The following GPBP1L1 variants were observed in gnomAD, a reference collection of about 807,000 sequenced individuals.
The protein encoded by GPBP1L1 is GC-rich promoter binding protein 1 like 1.
GPBP1L1 carries 23 observed loss-of-function variants against 52.5 expected under a neutral mutation model. The ratio of observed to expected loss-of-function variants is 0.44; its 90% CI spans 0.32 to 0.62. The LOEUF is 0.62. Among genes scored for constraint, GPBP1L1 ranks in the 20% least tolerant of loss-of-function variants. The pLI, the probability that GPBP1L1 is intolerant of heterozygous loss-of-function variation, is 0.06. For missense variants in GPBP1L1, 596 were observed against 579.3 expected (o/e 1.03, Z -0.30); for synonymous variants, 243 against 203.1 (o/e 1.20, Z -1.67).
intron 4 of GPBP1L1, among the ~76,000 whole-genome samples, chr1:45,657,452 C>T (rs758453900): frequency 3.3e-5 from 5 of 152,112 alleles, no homozygotes; most frequent in Non-Finnish European, 5.9e-5. Flanking sequence ...AGGAGGATCG[C>T]CTGAGCCAGG....
At chr1:45,639,030 T>G (rs541165988) in intron 8 of GPBP1L1, among the ~76,000 whole-genome samples, 2 of 152,254 alleles carry the variant, frequency 1.3e-5, no homozygotes, top group Admixed American at 1.3e-4. Context: ...CATACTTATT[T>G]TTACATTTTT....
intron 2 of GPBP1L1, among the ~76,000 whole-genome samples, chr1:45,679,956 G>C (rs1645192828): frequency 7.5e-6 from 1 of 133,712 alleles, no homozygotes; most frequent in Admixed American, 7.6e-5. Context: ...CAGCAGGGCG[G>C]GGGGTGGGGG....
intron 2 of GPBP1L1, among the ~76,000 whole-genome samples, chr1:45,676,896 A>T (rs1645152247): frequency 6.6e-6 from 1 of 150,830 alleles, no homozygotes; most frequent in Non-Finnish European, 1.5e-5. Context: ...CAACAACAAC[A>T]ACAAAGTACT....
At chr1:45,650,742 C>T in intron 6 of GPBP1L1, among the ~76,000 whole-genome samples, 1 of 152,092 alleles carries the variant, frequency 6.6e-6, no homozygotes, top group East Asian at 1.9e-4. Context: ...TCCCTTACTG[C>T]TAATCCACAG....
intron 2 of GPBP1L1, among the ~76,000 whole-genome samples, chr1:45,680,929 A>G (rs753770825): frequency 5.3e-5 from 8 of 152,198 alleles, no homozygotes; most frequent in Admixed American, 1.3e-4. Flanking sequence ...AGTTTTGAGA[A>G]ATTTTCAGAT....
chr1:45,628,877 T>C (rs894961502), intron 12 of GPBP1L1, among the ~76,000 whole-genome samples: 1 of 152,218 alleles, frequency 6.6e-6, no homozygotes, highest in Admixed American at 6.5e-5. Flanking sequence ...TTGGCCAGTA[T>C]GCTCTTGAGC....
intron 2 of GPBP1L1, among the ~76,000 whole-genome samples, chr1:45,673,810 G>A (rs1285879670): frequency 1.3e-5 from 2 of 152,194 alleles, no homozygotes; most frequent in African/African-American, 2.4e-5. Context: ...ACTGAGCCAA[G>A]ATCACGCCAC....
chr1:45,661,733 G>A (rs1374842843), intron 2 of GPBP1L1, among the ~76,000 whole-genome samples: 1 of 152,156 alleles, frequency 6.6e-6, no homozygotes, highest in Non-Finnish European at 1.5e-5. Flanking sequence ...GATTACGTGA[G>A]TGACCCACCA....
At position 45,628,047 on chromosome 1, in the gene GPBP1L1, CCA is replaced by C. The variant is rs760625835; in HGVS notation, c.*207_*208del. On this transcript the variant is annotated 3_prime_UTR_variant, in exon 13 of 13. Transcript: ENST00000355105. ...GAGTGTGTTTAAAAAATCTGTCCCA[CCA>C]CACAAACTTCTCTCTATAAAGCAGA... The C allele has an allele frequency of 1.7e-5, 9 of 535,756 alleles. No individual in the cohort carries two copies. The highest frequency in any genetic ancestry group is 2.7e-5 in the Non-Finnish European group (8 of 299,992). 33.2% of individuals were successfully genotyped at this position (535,756 alleles called of 1,614,324 possible).
In GPBP1L1 at chr1:45,664,059, G is replaced by A. The variant is rs184178691; in HGVS notation, c.-1097-2834C>T. ...TAAAAAAAAATTTCTTGGGCCAGGC[G>A]CGGTGGCTCACGCCTGTAATCCCAG... On this transcript the variant is annotated intron_variant, in intron 2 of 12. Coordinates refer to ENST00000355105, the MANE Select transcript of GPBP1L1 (RefSeq NM_021639.5). Among the ~76,000 whole-genome samples, 291 of 152,182 alleles carry A rather than the reference G, an allele frequency of 1.9e-3. 1 individual carries two copies. The highest frequency in any genetic ancestry group is 3.1e-3 in the Admixed American group (47 of 15,286).
chr1:45,686,278 A>G (rs1214445429), intron 1 of GPBP1L1, 134 bp downstream of exon 1: 1 of 152,300 alleles, frequency 6.6e-6, no homozygotes, highest in Non-Finnish European at 1.5e-5. Context: ...CTCGGGTCGG[A>G]CCTATACCCA....
chr1:45,679,847 A>C (rs1645190876), intron 2 of GPBP1L1, among the ~76,000 whole-genome samples: 1 of 149,900 alleles, frequency 6.7e-6, no homozygotes, highest in African/African-American at 2.5e-5. Flanking sequence ...TGAGTCCAGA[A>C]GTTCAAGAGC....
intron 6 of GPBP1L1, among the ~76,000 whole-genome samples, chr1:45,653,862 C>T (rs1017516769): frequency 2.0e-5 from 3 of 151,948 alleles, no homozygotes; most frequent in African/African-American, 7.2e-5. Flanking sequence ...CCAAGCCCAG[C>T]TAATTTTTGT....
At chr1:45,667,940 T>C (rs1212608307) in intron 2 of GPBP1L1, among the ~76,000 whole-genome samples, 1 of 152,200 alleles carries the variant, frequency 6.6e-6, no homozygotes, top group Non-Finnish European at 1.5e-5. Flanking sequence ...AGTTTCACCA[T>C]GTTGGCCAGG....
intron 6 of GPBP1L1, chr1:45,651,138 G>T (rs981699297): frequency 2.0e-6 from 1 of 500,116 alleles, no homozygotes; most frequent in East Asian, 5.4e-5. Flanking sequence ...AGATCTCATC[G>T]TATCTGTCAT....
At chr1:45,672,085 G>A (rs1645080315) in intron 2 of GPBP1L1, among the ~76,000 whole-genome samples, 1 of 152,010 alleles carries the variant, frequency 6.6e-6, no homozygotes, top group South Asian at 2.1e-4. Context: ...TATTCAGGCT[G>A]GGTGCGGTGG....
At chr1:45,654,428 C>A in intron 6 of GPBP1L1, 115 bp downstream of exon 6, 1 of 1,073,026 alleles carries the variant, frequency 9.3e-7, no homozygotes, top group South Asian at 1.8e-5. Flanking sequence ...ATAAAAACCT[C>A]AACTTACAAA....
In GPBP1L1 at chr1:45,664,315, C is replaced by T. The variant is rs144585097; in HGVS notation, c.-1097-3090G>A. Among the ~76,000 whole-genome samples the T allele has an allele frequency of 5.8e-4, 87 of 149,140 alleles. No individual in the cohort carries two copies. In the East Asian group the frequency reaches 0.013, roughly 23 times the overall value. On this transcript the variant is annotated intron_variant, in intron 2 of 12. Coordinates refer to ENST00000355105, the MANE Select transcript of GPBP1L1 (RefSeq NM_021639.5). Reference sequence around the variant, plus strand: ...CAGCCTGGGCAACAGAGTGAGACTCCGTCTCAAAAAAAAGGCCGGGCGTGG... The same window carrying T: ...CAGCCTGGGCAACAGAGTGAGACTCTGTCTCAAAAAAAAGGCCGGGCGTGG...
At chr1:45,670,665 TTC>T (rs1645063111) in intron 2 of GPBP1L1, among the ~76,000 whole-genome samples, 1 of 152,204 alleles carries the variant, frequency 6.6e-6, no homozygotes, top group Admixed American at 6.5e-5. Flanking sequence ...CCCAGAAGTA[TTC>T]TTTTTCCACT....
Sources: gnomAD v4.1 joint callset for allele counts (sites outside exome capture counted in the v4.1 genomes callset) on GRCh38, gnomAD v4.1.1 for gene constraint, MANE v1.5 for transcripts, NCBI Gene and HGNC (gene_info 2026-07-23, HGNC 2026-07-21) for gene names.